The following WDR76 variants were observed in gnomAD, a reference collection of about 807,000 sequenced individuals.
WDR76 encodes WD repeat-containing protein 76.
A neutral mutation model predicts 70.2 loss-of-function variants in WDR76; 52 were observed. The observed-to-expected ratio is 0.74, with a 90% CI of 0.59 to 0.93. The LOEUF (loss-of-function observed/expected upper bound fraction) is 0.93, where lower values mean the gene tolerates loss of function less well. WDR76 is among the 40% of genes least tolerant of loss of function. The probability of loss-of-function intolerance (pLI) is 0.00; values close to 1 mark genes in which losing one functional copy is unlikely to be tolerated. For missense variants in WDR76, 756 were observed against 760.2 expected (o/e 0.99, Z 0.07); for synonymous variants, 292 against 271.1 (o/e 1.08, Z -0.76).
intron 9 of WDR76, among the ~76,000 whole-genome samples, chr15:43,854,346 G>C (rs2087901550): frequency 6.6e-6 from 1 of 152,146 alleles, no homozygotes; most frequent in African/African-American, 2.4e-5. Context: ...GAGGAGGGTG[G>C]ATCACTAGAG....
At chr15:43,864,195 C>G (rs964213142) in intron 12 of WDR76, among the ~76,000 whole-genome samples, 2 of 152,170 alleles carry the variant, frequency 1.3e-5, no homozygotes, top group Non-Finnish European at 2.9e-5. Flanking sequence ...TTTGTTGATT[C>G]CATATCTTAG....
At chr15:43,862,308 A>ATTTTTTTTTTTTTT (rs60991615) in intron 12 of WDR76, among the ~76,000 whole-genome samples, 2 of 56,948 alleles carry the variant, frequency 3.5e-5, no homozygotes. Flanking sequence ...CAGGTCCACA[A>ATTTTTTTTTTTTTT]TTTTTTTTTT....
intron 12 of WDR76, among the ~76,000 whole-genome samples, chr15:43,861,666 T>G (rs980034508): frequency 6.6e-6 from 1 of 152,154 alleles, no homozygotes; most frequent in Middle Eastern, 3.2e-3. Context: ...ACTGAATTAC[T>G]CATGTTATCT....
chr15:43,853,029 C>T lies in WDR76; in HGVS notation c.1191+1784C>T, dbSNP rs143696846. On this transcript the variant is annotated intron_variant, in intron 9 of 12. Coordinates refer to ENST00000263795, the MANE Select transcript of WDR76 (RefSeq NM_024908.4). Reference sequence around the variant, plus strand: ...TCATCCTCCTGAGTAGCTGGGATTACAGGCACGTGCCACCACACCTGGCTA... The same window carrying T: ...TCATCCTCCTGAGTAGCTGGGATTATAGGCACGTGCCACCACACCTGGCTA... Among the ~76,000 whole-genome samples the T allele has an allele frequency of 5.0e-4, 76 of 152,172 alleles. 2 individuals carry two copies. In the East Asian group the frequency reaches 0.013, roughly 26 times the overall value.
Position 43,866,455 on chromosome 15 carries a change from G to A in WDR76, c.*63G>A. On this transcript the variant is annotated 3_prime_UTR_variant, in exon 13 of 13. Coordinates refer to ENST00000263795, the MANE Select transcript of WDR76 (RefSeq NM_024908.4). ...CACTGTCTAAGGAGCCTAGTAATCG[G>A]CGTGCCTTAGTGTGTTTATGTGGTA... The A allele has an allele frequency of 6.3e-7, 1 of 1,577,500 alleles. No homozygotes were observed. The highest frequency in any genetic ancestry group is 8.7e-7 in the Non-Finnish European group (1 of 1,153,562).
At chr15:43,837,042 C>CAAAAAAAAAAA (rs541159343) in intron 4 of WDR76, among the ~76,000 whole-genome samples, 1 of 58,306 alleles carries the variant, frequency 1.7e-5, no homozygotes, top group African/African-American at 6.4e-5. Context: ...CTCCATCTCA[C>CAAAAAAAAAAA]AAAAAAAAAA....
chr15:43,850,398 C>T (rs540645981), intron 8 of WDR76, among the ~76,000 whole-genome samples: 1 of 152,024 alleles, frequency 6.6e-6, no homozygotes, highest in South Asian at 2.1e-4. Context: ...CGGATTCATG[C>T]CATTCTCCTG....
At chr15:43,862,549 T>C (rs1221937918) in intron 12 of WDR76, among the ~76,000 whole-genome samples, 2 of 150,350 alleles carry the variant, frequency 1.3e-5, no homozygotes, top group African/African-American at 4.9e-5. Context: ...CACTCTGTTG[T>C]CCAGGCTGGA....
Position 43,839,591 on chromosome 15 carries a change from C to A in WDR76, c.609-14C>A. 6.3e-7 allele frequency: 1 copy of A among 1,594,190 alleles called. No individual in the cohort carries two copies. Among genetic ancestry groups the A allele is most frequent in the South Asian group, 1.2e-5 (1 of 86,874 alleles). On this transcript the variant is annotated splice_polypyrimidine_tract_variant and intron_variant, in intron 4 of 12. Transcript: ENST00000263795. ...TTTTGTGAGTATAACATGAGTTTTT[C>A]CCCACTCCTTTAGAAAGAAGCCTAA...
At chr15:43,835,991 G>A (rs115045935) in intron 3 of WDR76, among the ~76,000 whole-genome samples, 170 bp from the exon 4 acceptor site, 305 of 151,624 alleles carry the variant, frequency 2.0e-3, no homozygotes, top group African/African-American at 6.3e-3. Context: ...GTCTCGCTGC[G>A]TTGCCCAGGC....
At chr15:43,855,982 C>T (rs192196493) in intron 9 of WDR76, among the ~76,000 whole-genome samples, 5 of 152,322 alleles carry the variant, frequency 3.3e-5, no homozygotes, top group Admixed American at 6.5e-5. Context: ...ACAAAGTACA[C>T]CTATGCTTAC....
At chr15:43,841,107 G>A (rs1358949236) in intron 5 of WDR76, among the ~76,000 whole-genome samples, 2 of 150,382 alleles carry the variant, frequency 1.3e-5, no homozygotes, top group East Asian at 1.9e-4. Flanking sequence ...TGCAACCTCC[G>A]CCTCCCGGGT....
At chr15:43,863,041 T>TTTAA (rs1364806847) in intron 12 of WDR76, among the ~76,000 whole-genome samples, 1 of 152,126 alleles carries the variant, frequency 6.6e-6, no homozygotes, top group Admixed American at 6.5e-5. Flanking sequence ...GTTCAGGCGA[T>TTTAA]TCTCCTGCCT....
intron 8 of WDR76, among the ~76,000 whole-genome samples, chr15:43,847,914 C>G (rs1317957751): frequency 1.3e-5 from 2 of 152,038 alleles, no homozygotes; most frequent in African/African-American, 4.8e-5. Flanking sequence ...GGTTTTAGAA[C>G]ATTTTCATCA....
rs773648475 is a variant in WDR76 at position 43,842,395 on chromosome 15, CTT to C, written c.733-16_733-15del. On this transcript the variant is annotated intron_variant, in intron 5 of 12. Transcript: ENST00000263795. ...CTAGGGCAGGGAGCCCAACAAATAA[CTT>C]TTTATTTTTTATAACAGCCTTTGTT... 74 of 1,608,570 alleles carry C rather than the reference CTT, an allele frequency of 4.6e-5. No individual in the cohort carries two copies. Among genetic ancestry groups the C allele is most frequent in the Non-Finnish European group, 5.9e-5 (70 of 1,177,232 alleles).
At chr15:43,834,829 T>C (rs1431831049) in intron 2 of WDR76, among the ~76,000 whole-genome samples, 1 of 152,174 alleles carries the variant, frequency 6.6e-6, no homozygotes, top group Non-Finnish European at 1.5e-5. Context: ...ATTTCTAATA[T>C]CAGATCACTT....
intron 5 of WDR76, among the ~76,000 whole-genome samples, chr15:43,840,803 AC>A (rs1264340357): frequency 6.6e-6 from 1 of 151,754 alleles, no homozygotes; most frequent in African/African-American, 2.4e-5. Flanking sequence ...ACATCAAGAG[AC>A]CCTGTTCTTA....
rs1323607865 is a variant in WDR76 at position 43,867,200 on chromosome 15, G to A, written c.*808G>A. 1 of 152,082 alleles carries A rather than the reference G, an allele frequency of 6.6e-6. No individual in the cohort carries two copies. The highest frequency in any genetic ancestry group is 1.9e-4 in the East Asian group (1 of 5,178). The allele number at this position is 152,082 out of a possible 1,614,324, so 9.4% of individuals were successfully genotyped here. ...CTGTAGGTTAAGTCTTACGTGAAAT[G>A]CCAAGATAATTGCTGAGCAGCTTTG... On this transcript the variant is annotated 3_prime_UTR_variant, in exon 13 of 13. Coordinates refer to ENST00000263795, the MANE Select transcript of WDR76 (RefSeq NM_024908.4).
rs1272625715 is a variant in WDR76, at chr15:43,828,275, A to T, written c.371A>T (p.Gln124Leu). 6.2e-7 allele frequency: 1 copy of T among 1,614,216 alleles called. No homozygotes were observed. The highest frequency in any genetic ancestry group is 1.7e-5 in the Admixed American group (1 of 60,014). The change falls in exon 2 of 13, where the codon CAA becomes CTA. Residue 124 changes from glutamine to leucine, a missense_variant. Transcript: ENST00000263795. ...GTTCATACTGAAAGTAACAAGCTAC[A>T]ACCCAAGAGAACGGCAGATGCGATG... ...SAVHTESNKL[Q>L]PKRTADAMNL...
Sources: allele counts gnomAD v4.1 joint callset (sites outside exome capture counted in the v4.1 genomes callset), GRCh38; gene constraint gnomAD v4.1.1; transcripts MANE v1.5; gene names NCBI Gene and HGNC (gene_info 2026-07-23, HGNC 2026-07-21).